TGFBR3: variants seen among roughly 807,000 people sequenced by gnomAD.
The protein encoded by TGFBR3 is transforming growth factor beta receptor 3.
In TGFBR3, 46 loss-of-function variants were observed where a neutral mutation model predicts 87.9. That is an observed-to-expected ratio of 0.52 (90% CI 0.41 to 0.67). The LOEUF is 0.67. Ranked by LOEUF, TGFBR3 falls within the 30% of genes least tolerant of loss-of-function variation. The pLI is 0.00. For missense variants in TGFBR3, 866 were observed against 1,041.9 expected (o/e 0.83, Z 2.32); for synonymous variants, 381 against 391.6 (o/e 0.97, Z 0.32).
intron 2 of TGFBR3, among the ~76,000 whole-genome samples, chr1:91,891,243 CT>C (rs1679441289): frequency 1.3e-5 from 2 of 151,034 alleles, no homozygotes; most frequent in Non-Finnish European, 2.9e-5. Flanking sequence ...TGGCTCAGGC[CT>C]GTAATCCCAG....
intron 2 of TGFBR3, among the ~76,000 whole-genome samples, chr1:91,850,080 CAAAAAAAAAAA>C (rs376631972): frequency 1.5e-4 from 8 of 52,162 alleles, no homozygotes; most frequent in African/African-American, 4.7e-4. Flanking sequence ...GACTCCATCT[CAAAAAAAAAAA>C]AAAAAAAAAA....
At chr1:91,738,859 C>T (rs986183839) in intron 4 of TGFBR3, among the ~76,000 whole-genome samples, 4 of 152,124 alleles carry the variant, frequency 2.6e-5, no homozygotes, top group African/African-American at 7.2e-5. Flanking sequence ...AATTCCCTGC[C>T]CTTATGGAGA....
rs775964197 is a variant in TGFBR3 at position 91,695,694 on chromosome 1, C to A, written c.2415G>T (p.Leu805Phe). 1 of 1,614,150 alleles carries A rather than the reference C, an allele frequency of 6.2e-7. No homozygotes were observed. The highest frequency in any genetic ancestry group is 1.7e-5 in the Admixed American group (1 of 60,022). The change falls in exon 16 of 17, where the codon TTG (leucine) becomes TTT (phenylalanine). Residue 805 changes from leucine (L) to phenylalanine (F), a missense_variant. By Grantham distance (22) the Leu-to-Phe change is conservative. Coordinates refer to ENST00000212355, the MANE Select transcript of TGFBR3 (RefSeq NM_003243.5). Reference protein sequence around the residue: ...FVIGALLTGALWYIYSHTGET... With the variant: ...FVIGALLTGAFWYIYSHTGET... ...AACCTGTGTGAGAATAGATGTACCA[C>A]AAGGCCCCCGTCAGGAGTGCTCCGA... is the stretch of plus-strand genomic sequence containing the variant.
chr1:91,807,665 C>T (rs542387935), intron 2 of TGFBR3, among the ~76,000 whole-genome samples: 86 of 152,326 alleles, frequency 5.6e-4, no homozygotes, highest in African/African-American at 1.8e-3. Context: ...ACAATCTGGA[C>T]GTGCCAACAG....
intron 2 of TGFBR3, among the ~76,000 whole-genome samples, chr1:91,815,038 A>G (rs1381445407): frequency 6.6e-6 from 1 of 152,216 alleles, no homozygotes; most frequent in African/African-American, 2.4e-5. Flanking sequence ...ACAGTGGCTC[A>G]CGCCTGTAAT....
intron 1 of TGFBR3, among the ~76,000 whole-genome samples, chr1:91,878,164 G>T (rs1196710049): frequency 6.6e-6 from 1 of 151,666 alleles, no homozygotes; most frequent in African/African-American, 2.4e-5. Flanking sequence ...CCATAAAAGA[G>T]ATAACTCACA....
chr1:91,887,743 A>C (rs917339965), upstream of TGFBR3, among the ~76,000 whole-genome samples: 4 of 152,220 alleles, frequency 2.6e-5, no homozygotes, highest in Non-Finnish European at 5.9e-5. Flanking sequence ...AAATGTCATC[A>C]GTCACCTGAA....
chr1:91,828,113 C>A (rs187592918), intron 2 of TGFBR3, among the ~76,000 whole-genome samples: 31 of 152,316 alleles, frequency 2.0e-4, no homozygotes, highest in African/African-American at 6.5e-4. Context: ...CAGAACTGTA[C>A]AACCTCTCAC....
intron 4 of TGFBR3, among the ~76,000 whole-genome samples, chr1:91,746,127 G>A (rs1051299628): frequency 1.3e-5 from 2 of 152,148 alleles, no homozygotes; most frequent in Non-Finnish European, 2.9e-5. Flanking sequence ...CGTCCAAGAG[G>A]AAAGCTCTGA....
intron 2 of TGFBR3, among the ~76,000 whole-genome samples, chr1:91,803,223 A>G (rs1030678678): frequency 2.6e-5 from 4 of 152,148 alleles, no homozygotes; most frequent in Non-Finnish European, 5.9e-5. Flanking sequence ...CATTCTGGTG[A>G]AGCACAGAAG....
At chr1:91,879,007 G>C (rs887369410) in intron 1 of TGFBR3, among the ~76,000 whole-genome samples, 1 of 152,048 alleles carries the variant, frequency 6.6e-6, no homozygotes. Flanking sequence ...GGTGGCTCAC[G>C]CCTGTAATCC....
intron 16 of TGFBR3, among the ~76,000 whole-genome samples, chr1:91,692,799 T>C (rs907799629): frequency 2.0e-5 from 3 of 152,360 alleles, no homozygotes; most frequent in African/African-American, 7.2e-5. Context: ...GTAACACACA[T>C]TCCAGGTATG....
At chr1:91,845,318 C>T (rs1033553844) in intron 2 of TGFBR3, among the ~76,000 whole-genome samples, 1 of 152,184 alleles carries the variant, frequency 6.6e-6, no homozygotes, top group Non-Finnish European at 1.5e-5. Flanking sequence ...GAAAAAGACG[C>T]TGAGGCCTGT....
intron 13 of TGFBR3, among the ~76,000 whole-genome samples, chr1:91,711,184 T>C (rs971243581): frequency 6.6e-6 from 1 of 152,216 alleles, no homozygotes; most frequent in Admixed American, 6.5e-5. Flanking sequence ...GGCTAAGGCA[T>C]CACCGCCGCA....
At chr1:91,874,108 G>A (rs1194293991) in intron 1 of TGFBR3, among the ~76,000 whole-genome samples, 1 of 152,138 alleles carries the variant, frequency 6.6e-6, no homozygotes, top group African/African-American at 2.4e-5. Context: ...AGCTAAAGGA[G>A]ACAGACTATA....
At chr1:91,720,318 T>C (rs1219465721) in intron 8 of TGFBR3, 88 bp from the exon 9 acceptor site, 5 of 1,273,310 alleles carry the variant, frequency 3.9e-6, no homozygotes, top group African/African-American at 1.5e-5. Flanking sequence ...GGAATTAGCA[T>C]AGAATGGGCA....
chr1:91,878,028 T>C (rs1430979481), intron 1 of TGFBR3, among the ~76,000 whole-genome samples: 1 of 152,222 alleles, frequency 6.6e-6, no homozygotes, highest in Non-Finnish European at 1.5e-5. Flanking sequence ...ATGTATGTAA[T>C]GAGTCAATGG....
intron 2 of TGFBR3, among the ~76,000 whole-genome samples, 199 bp downstream of exon 2, chr1:91,861,272 C>G (rs574178247): frequency 6.6e-6 from 1 of 152,008 alleles, no homozygotes; most frequent in Non-Finnish European, 1.5e-5. Context: ...TGGTGGCACA[C>G]GCCTGTAGTC....
At chr1:91,790,388 T>C (rs1675142916) in intron 3 of TGFBR3, among the ~76,000 whole-genome samples, 1 of 152,220 alleles carries the variant, frequency 6.6e-6, no homozygotes, top group South Asian at 2.1e-4. Context: ...TTTGTGTACC[T>C]ACACTATGAT....
Sources: gnomAD v4.1 joint callset for allele counts (sites outside exome capture counted in the v4.1 genomes callset) on GRCh38, gnomAD v4.1.1 for gene constraint, MANE v1.5 for transcripts, NCBI Gene and HGNC (gene_info 2026-07-23, HGNC 2026-07-21) for gene names.